The following ERI3 variants were observed in gnomAD, a reference collection of about 807,000 sequenced individuals.
ERI3 encodes ERI1 exoribonuclease family member 3, also known as ERI1 exoribonuclease 3.
A neutral mutation model predicts 44.4 loss-of-function variants in ERI3; 18 were observed. That is an observed-to-expected ratio of 0.41 (90% CI 0.28 to 0.60). The LOEUF is 0.60. ERI3 is among the 20% of genes least tolerant of loss of function. The pLI, the probability that ERI3 is intolerant of heterozygous loss-of-function variation, is 0.36. For synonymous variants in ERI3, 183 were observed against 164.8 expected (o/e 1.11, Z -0.84); for missense variants, 294 against 435.5 (o/e 0.68, Z 2.89).
intron 8 of ERI3, among the ~76,000 whole-genome samples, chr1:44,247,462 C>T (rs755065747): frequency 6.6e-6 from 1 of 152,166 alleles, no homozygotes; most frequent in Non-Finnish European, 1.5e-5. Context: ...ACCCTGTGGA[C>T]GGAGTCATCG....
intron 4 of ERI3, 27 bp from the exon 5 acceptor site, chr1:44,313,255 G>C (rs1646012258): frequency 6.2e-7 from 1 of 1,612,128 alleles, no homozygotes; most frequent in Non-Finnish European, 8.5e-7. Flanking sequence ...ATAGCCGATG[G>C]GTAGAAAACC....
At chr1:44,236,257 A>C (rs1050101191) in intron 8 of ERI3, among the ~76,000 whole-genome samples, 4 of 152,220 alleles carry the variant, frequency 2.6e-5, no homozygotes, top group Admixed American at 6.5e-5. Context: ...TTTATTTACT[A>C]TCTGCCTATA....
intron 8 of ERI3, among the ~76,000 whole-genome samples, chr1:44,239,184 A>C (rs1335761983): frequency 6.6e-6 from 1 of 152,146 alleles, no homozygotes; most frequent in Non-Finnish European, 1.5e-5. Flanking sequence ...GAGGGGCTTA[A>C]GAACTCAGGG....
rs779685794 is a variant in ERI3, at chr1:44,339,341, AAAAAAAAAAAAAAAAAAGAAAAGAAAG to A, written c.212-46_212-20del. 6 of 347,900 alleles carry A rather than the reference AAAAAAAAAAAAAAAAAAGAAAAGAAAG, an allele frequency of 1.7e-5. No homozygotes were observed. The highest frequency in any genetic ancestry group is 1.1e-4 in the East Asian group (1 of 9,206). 21.6% of individuals were successfully genotyped at this position (347,900 alleles called of 1,614,324 possible). ...TCTAAAACTTAGGGGAGGAAAGTTT[AAAAAAAAAAAAAAAAAAGAAAAGAAAG>A]AAAAAAAAAAAAAGAACAGAGAGCC... On this transcript the variant is annotated intron_variant, in intron 2 of 8. Coordinates refer to ENST00000372257, the MANE Select transcript of ERI3 (RefSeq NM_024066.3).
At chr1:44,278,745 G>A (rs1037588592) in intron 7 of ERI3, among the ~76,000 whole-genome samples, 46 of 152,014 alleles carry the variant, frequency 3.0e-4, no homozygotes, top group Admixed American at 1.6e-3. Context: ...GATTACAGGC[G>A]CCCGCCACCA....
chr1:44,254,267 T>G (rs930481264), intron 7 of ERI3, among the ~76,000 whole-genome samples: 1 of 152,176 alleles, frequency 6.6e-6, no homozygotes, highest in African/African-American at 2.4e-5. Flanking sequence ...AGCCACCCCC[T>G]GAGCCTTGTT....
chr1:44,269,169 A>C (rs1186492396), intron 7 of ERI3, among the ~76,000 whole-genome samples: 1 of 152,240 alleles, frequency 6.6e-6, no homozygotes, highest in African/African-American at 2.4e-5. Flanking sequence ...AAAAAGGGAA[A>C]GCCTAAGTTT....
intron 8 of ERI3, among the ~76,000 whole-genome samples, chr1:44,234,350 A>C (rs914053668): frequency 1.3e-5 from 2 of 152,100 alleles, no homozygotes; most frequent in Non-Finnish European, 2.9e-5. Context: ...TAAACCACCA[A>C]TCTGGTCATT....
intron 7 of ERI3, among the ~76,000 whole-genome samples, chr1:44,258,592 G>A (rs1194563949): frequency 6.6e-6 from 1 of 152,174 alleles, no homozygotes; most frequent in African/African-American, 2.4e-5. Context: ...TGCCCTCAAG[G>A]AGCTCCCAGG....
At chr1:44,322,690 T>TA (rs1557850999) in intron 3 of ERI3, 6 of 1,514,256 alleles carry the variant, frequency 4.0e-6, no homozygotes. Flanking sequence ...TCTGAGAAAT[T>TA]AGAGCAGCAA....
chr1:44,277,531 T>C (rs1376172375), intron 7 of ERI3, among the ~76,000 whole-genome samples: 1 of 152,212 alleles, frequency 6.6e-6, no homozygotes, highest in African/African-American at 2.4e-5. Flanking sequence ...TCACTCCAAT[T>C]TGGCTCCTGT....
intron 7 of ERI3, among the ~76,000 whole-genome samples, chr1:44,281,186 C>G (rs1018341231): frequency 5.9e-5 from 9 of 152,180 alleles, no homozygotes; most frequent in African/African-American, 2.2e-4. Context: ...ATCCATGACT[C>G]TGAACTGTTT....
chr1:44,331,594 G>C lies in ERI3; in HGVS notation c.489+7451C>G, dbSNP rs570007219. Among the ~76,000 whole-genome samples, 15 of 152,264 alleles carry C rather than the reference G, an allele frequency of 9.9e-5. No individual in the cohort carries two copies. The South Asian group carries it at 2.3e-3, about 23-fold the overall frequency. ...GCATCACAATGACACCTTCTAGCTCGAATGTGAGAAACAGCGTAAAACTGA... is the reference window on the plus strand; with the variant it reads ...GCATCACAATGACACCTTCTAGCTCCAATGTGAGAAACAGCGTAAAACTGA... On this transcript the variant is annotated intron_variant, in intron 3 of 8. Transcript: ENST00000372257.
rs557746556 is a variant in ERI3, at chr1:44,313,052, T to A, written c.666+117A>T. On this transcript the variant is annotated intron_variant, in intron 5 of 8. Coordinates refer to ENST00000372257, the MANE Select transcript of ERI3 (RefSeq NM_024066.3). ...CATGTCACTGATGTGACAGCAAATG[T>A]TATTCTAATCAAGCCATAATCATAG... 2.7e-5 allele frequency: 23 copies of A among 865,820 alleles called. No individual in the cohort carries two copies. In the African/African-American group the frequency reaches 3.7e-4, roughly 14 times the overall value. 53.6% of individuals were successfully genotyped at this position (865,820 alleles called of 1,614,324 possible).
intron 2 of ERI3, among the ~76,000 whole-genome samples, chr1:44,344,383 G>A (rs1373866368): frequency 6.6e-6 from 1 of 152,080 alleles, no homozygotes; most frequent in Non-Finnish European, 1.5e-5. Flanking sequence ...GCCCACAGAA[G>A]GTAGGCTGCA....
intron 3 of ERI3, chr1:44,323,082 T>C: frequency 1.7e-6 from 1 of 600,982 alleles, no homozygotes. Flanking sequence ...AGAAACAGTT[T>C]TGTGTAAAAG....
At chr1:44,262,725 G>A (rs2154320292) in intron 7 of ERI3, among the ~76,000 whole-genome samples, 1 of 152,362 alleles carries the variant, frequency 6.6e-6, no homozygotes, top group Non-Finnish European at 1.5e-5. Flanking sequence ...AATGCCTTGT[G>A]AGGTACAGGA....
intron 5 of ERI3, among the ~76,000 whole-genome samples, chr1:44,312,039 G>A (rs1038327609): frequency 2.0e-5 from 3 of 152,120 alleles, no homozygotes; most frequent in African/African-American, 7.2e-5. Context: ...CCAGGGACAG[G>A]AAATACACTC....
intron 4 of ERI3, among the ~76,000 whole-genome samples, chr1:44,316,426 T>C (rs1005612571): frequency 3.3e-5 from 5 of 152,194 alleles, no homozygotes; most frequent in Non-Finnish European, 7.3e-5. Context: ...ACTGATAACA[T>C]GGCTGGTTAC....
Sources: allele counts gnomAD v4.1 joint callset (sites outside exome capture counted in the v4.1 genomes callset), GRCh38; gene constraint gnomAD v4.1.1; transcripts MANE v1.5; gene names NCBI Gene and HGNC (gene_info 2026-07-23, HGNC 2026-07-21).